NRXN3: variants seen among roughly 807,000 people sequenced by gnomAD.
NRXN3 encodes neurexin III.
Under a neutral mutation model 137.6 loss-of-function variants are expected in NRXN3, and 32 were observed. The ratio of observed to expected loss-of-function variants is 0.23; its 90% CI spans 0.18 to 0.31. NRXN3 has a LOEUF of 0.31. Among genes scored for constraint, NRXN3 ranks in the 10% least tolerant of loss-of-function variants. The pLI, the probability that NRXN3 is intolerant of heterozygous loss-of-function variation, is 1.00. For synonymous variants in NRXN3, 798 were observed against 784.5 expected (o/e 1.02, Z -0.29); for missense variants, 1,574 against 2,062.5 (o/e 0.76, Z 4.59).
intron 15 of NRXN3, among the ~76,000 whole-genome samples, chr14:79,233,302 G>A (rs922765196): frequency 1.3e-5 from 2 of 152,152 alleles, no homozygotes; most frequent in African/African-American, 2.4e-5. Flanking sequence ...TGTGGTGGGA[G>A]TCAACTGTGC....
intron 15 of NRXN3, among the ~76,000 whole-genome samples, chr14:79,347,113 G>A (rs990201466): frequency 6.6e-6 from 1 of 152,090 alleles, no homozygotes; most frequent in African/African-American, 2.4e-5. Context: ...GCGTGGCCAT[G>A]CTTGTCCCCC....
chr14:79,774,939 AGTATGTGTGTGTGT>A (rs780964940), intron 19 of NRXN3, among the ~76,000 whole-genome samples: 1 of 151,784 alleles, frequency 6.6e-6, no homozygotes, highest in Admixed American at 6.6e-5. Flanking sequence ...ATATATATAT[AGTATGTGTGTGTGT>A]GTAGGTGTGT....
intron 1 of NRXN3, among the ~76,000 whole-genome samples, chr14:78,194,759 C>G (rs978992126): frequency 6.6e-6 from 1 of 152,216 alleles, no homozygotes; most frequent in Non-Finnish European, 1.5e-5. Flanking sequence ...GATGATCCAG[C>G]ATGCTAGAGT....
intron 15 of NRXN3, among the ~76,000 whole-genome samples, chr14:79,425,718 CA>C (rs2095645894): frequency 6.6e-6 from 1 of 152,150 alleles, no homozygotes; most frequent in Non-Finnish European, 1.5e-5. Context: ...AATATTAAAA[CA>C]AAAGGCTTTG....
At chr14:79,578,643 C>T (rs2097687568) in intron 16 of NRXN3, among the ~76,000 whole-genome samples, 1 of 152,172 alleles carries the variant, frequency 6.6e-6, no homozygotes, top group African/African-American at 2.4e-5. Flanking sequence ...AGAGCAACAG[C>T]CAGACCATTC....
At chr14:79,121,440 G>T (rs1462680988) in intron 15 of NRXN3, among the ~76,000 whole-genome samples, 1 of 152,204 alleles carries the variant, frequency 6.6e-6, no homozygotes, top group Non-Finnish European at 1.5e-5. Context: ...ATACCTTGCA[G>T]CCTCTCTTTT....
At chr14:78,893,122 A>G (rs777467595) in intron 10 of NRXN3, among the ~76,000 whole-genome samples, 76 of 151,754 alleles carry the variant, frequency 5.0e-4, no homozygotes, top group Non-Finnish European at 9.7e-4. Context: ...TTTGCCATCC[A>G]CTTGCGTCAT....
At chr14:78,274,802 A>G (rs1156956564) in intron 2 of NRXN3, among the ~76,000 whole-genome samples, 6 of 152,066 alleles carry the variant, frequency 3.9e-5, no homozygotes. Flanking sequence ...TTTTGTTCCT[A>G]CTGTTTAGAG....
chr14:79,118,312 G>T (rs1041587487), intron 15 of NRXN3, among the ~76,000 whole-genome samples: 2 of 152,124 alleles, frequency 1.3e-5, no homozygotes, highest in Admixed American at 6.5e-5. Flanking sequence ...AATATTTCTG[G>T]ATTTCCATGT....
chr14:79,027,050 C>T (rs1300704274), intron 15 of NRXN3, among the ~76,000 whole-genome samples: 2 of 143,572 alleles, frequency 1.4e-5, no homozygotes, highest in Non-Finnish European at 3.0e-5. Flanking sequence ...CCCCAAAAAG[C>T]AGGACAACAT....
At chr14:79,613,503 C>T (rs1025308083) in intron 16 of NRXN3, among the ~76,000 whole-genome samples, 11 of 152,188 alleles carry the variant, frequency 7.2e-5, no homozygotes, top group African/African-American at 2.7e-4. Flanking sequence ...TTAGCCAAAC[C>T]ACTTCTTAAC....
chr14:79,300,499 G>A (rs1463515870), intron 15 of NRXN3, among the ~76,000 whole-genome samples: 1 of 151,964 alleles, frequency 6.6e-6, no homozygotes, highest in African/African-American at 2.4e-5. Flanking sequence ...GTCTAATATG[G>A]TCTCACACAC....
chr14:79,747,963 A>T (rs1051736701), intron 19 of NRXN3, among the ~76,000 whole-genome samples: 1 of 152,036 alleles, frequency 6.6e-6, no homozygotes, highest in Non-Finnish European at 1.5e-5. Flanking sequence ...CAACAAATGG[A>T]AACCCAACAC....
In NRXN3 at chr14:78,399,191, T is replaced by A. The variant is rs557829678; in HGVS notation, c.757+101331T>A. 7.9e-5 allele frequency among the ~76,000 whole-genome samples: 12 copies of A among 152,316 alleles called. No homozygotes were observed. The South Asian group carries it at 2.5e-3, about 32-fold the overall frequency. ...ATTCTTTAGATCTCAAGGTCCTGAA[T>A]TAGTATACATTCTCCTATCATTTCT... On this transcript the variant is annotated intron_variant, in intron 4 of 20. Coordinates refer to ENST00000335750, the MANE Select transcript of NRXN3 (RefSeq NM_001330195.2).
At chr14:79,384,172 T>C (rs948112224) in intron 15 of NRXN3, among the ~76,000 whole-genome samples, 2 of 152,102 alleles carry the variant, frequency 1.3e-5, no homozygotes, top group African/African-American at 4.8e-5. Context: ...AAAGCGGTAG[T>C]TGAATAGAGT....
chr14:79,270,931 T>A (rs1025239899), intron 15 of NRXN3, among the ~76,000 whole-genome samples: 1 of 152,224 alleles, frequency 6.6e-6, no homozygotes, highest in African/African-American at 2.4e-5. Flanking sequence ...ATTGCAAAGA[T>A]TTCTGGGGCT....
chr14:78,994,336 A>G (rs2099525389), intron 15 of NRXN3, among the ~76,000 whole-genome samples: 1 of 152,060 alleles, frequency 6.6e-6, no homozygotes, highest in African/African-American at 2.4e-5. Context: ...TCTGTTTGAC[A>G]TTTTTGCCCT....
chr14:78,214,095 G>A (rs10144686), intron 1 of NRXN3, among the ~76,000 whole-genome samples: 108,770 of 152,110 alleles, frequency 0.72, 39,138 homozygotes, highest in Middle Eastern at 0.79. Flanking sequence ...CATAAAGACT[G>A]CACCCTTTAT....
chr14:78,958,946 T>G (rs1480664522), intron 11 of NRXN3, among the ~76,000 whole-genome samples: 4 of 152,338 alleles, frequency 2.6e-5, no homozygotes, highest in Non-Finnish European at 2.9e-5. Context: ...GCCACTAAAA[T>G]ATTTTATGCC....
Sources: gnomAD v4.1 joint callset for allele counts (sites outside exome capture counted in the v4.1 genomes callset) on GRCh38, gnomAD v4.1.1 for gene constraint, MANE v1.5 for transcripts, NCBI Gene and HGNC (gene_info 2026-07-23, HGNC 2026-07-21) for gene names.